Variants in PCLO observed in about 807,000 individuals in gnomAD.
PCLO encodes piccolo presynaptic cytomatrix protein.
PCLO carries 82 observed loss-of-function variants against 427.5 expected under a neutral mutation model. That is an observed-to-expected ratio of 0.19 (90% CI 0.16 to 0.23). The LOEUF is 0.23. Among genes scored for constraint, PCLO ranks in the 10% least tolerant of loss-of-function variants. The probability of loss-of-function intolerance (pLI) is 1.00; values close to 1 mark genes in which losing one functional copy is unlikely to be tolerated. For missense variants in PCLO, 6,239 were observed against 6,115.9 expected (o/e 1.02, Z -0.67); for synonymous variants, 2,357 against 2,155.4 (o/e 1.09, Z -2.59).
chr7:83,159,946 A>G (rs1354947764), intron 1 of PCLO, among the ~76,000 whole-genome samples: 4 of 152,136 alleles, frequency 2.6e-5, no homozygotes, highest in Non-Finnish European at 5.9e-5. Context: ...GTTTGTGGGC[A>G]GAGGAGGTGG....
chr7:83,036,149 C>T (rs1788788431), intron 3 of PCLO, among the ~76,000 whole-genome samples: 1 of 152,100 alleles, frequency 6.6e-6, no homozygotes, highest in Non-Finnish European at 1.5e-5. Context: ...GCCTAATGTC[C>T]AATCTGTGAG....
intron 3 of PCLO, among the ~76,000 whole-genome samples, chr7:83,106,842 T>C (rs961828091): frequency 1.3e-4 from 20 of 152,154 alleles, no homozygotes; most frequent in Admixed American, 1.1e-3. Flanking sequence ...ACACCCTTCA[T>C]TGAAGATTCC....
At chr7:83,103,424 G>GGAT (rs1285491672) in intron 3 of PCLO, among the ~76,000 whole-genome samples, 3 of 151,652 alleles carry the variant, frequency 2.0e-5, no homozygotes, top group Non-Finnish European at 4.4e-5. Context: ...AGACCTTCAG[G>GGAT]GATCATCTCC....
intron 19 of PCLO, among the ~76,000 whole-genome samples, chr7:82,823,019 C>G (rs1206707093): frequency 6.6e-6 from 1 of 152,094 alleles, no homozygotes; most frequent in Admixed American, 6.6e-5. Flanking sequence ...AGACAATACA[C>G]AGGAGGAGTT....
chr7:82,892,612 A>G (rs1364649222), intron 9 of PCLO, among the ~76,000 whole-genome samples: 1 of 152,040 alleles, frequency 6.6e-6, no homozygotes, highest in Non-Finnish European at 1.5e-5. Context: ...CTGCACAGCA[A>G]AAGAAACTAC....
Position 82,949,840 on chromosome 7 carries a change from G to C in PCLO, c.10748C>G (p.Ala3583Gly), listed in dbSNP as rs780798544. 8.1e-6 allele frequency: 13 copies of C among 1,613,584 alleles called. No homozygotes were observed. ...SDTQSPQYLS[A>G]TSPPKDKKRP... Reference sequence around the variant, plus strand: ...TTTCTTGTCTTTGGGTGGAGATGTGGCACTCAGATATTGAGGACTTTGTGT... The same window carrying C: ...TTTCTTGTCTTTGGGTGGAGATGTGCCACTCAGATATTGAGGACTTTGTGT... The change falls in exon 6 of 25, where the codon GCC becomes GGC. Residue 3583 changes from alanine to glycine, a missense_variant. By Grantham distance (60) the Ala-to-Gly change is moderately conservative. Coordinates refer to ENST00000333891, the MANE Select transcript of PCLO (RefSeq NM_033026.6).
At chr7:82,880,651 T>C (rs1353529730) in intron 9 of PCLO, among the ~76,000 whole-genome samples, 1 of 152,174 alleles carries the variant, frequency 6.6e-6, no homozygotes, top group African/African-American at 2.4e-5. Flanking sequence ...ATTTAGTGGA[T>C]AGAGGCCAGG....
At chr7:82,982,528 C>G (rs1314578364) in intron 3 of PCLO, among the ~76,000 whole-genome samples, 3 of 151,992 alleles carry the variant, frequency 2.0e-5, no homozygotes, top group African/African-American at 7.2e-5. Context: ...TCCCTCATCT[C>G]CTAGAATAGT....
chr7:83,002,269 T>A (rs1301651759), intron 3 of PCLO, among the ~76,000 whole-genome samples: 3 of 151,970 alleles, frequency 2.0e-5, no homozygotes, highest in Non-Finnish European at 4.4e-5. Flanking sequence ...CTGTTTATCA[T>A]ACGGCTTCCT....
intron 3 of PCLO, among the ~76,000 whole-genome samples, chr7:82,990,758 T>G (rs1796358512): frequency 6.6e-6 from 1 of 152,150 alleles, no homozygotes; most frequent in Non-Finnish European, 1.5e-5. Context: ...TAAATGTGAC[T>G]ATGCTCTCTG....
intron 3 of PCLO, among the ~76,000 whole-genome samples, chr7:83,112,102 G>A (rs1791019054): frequency 6.6e-6 from 1 of 152,094 alleles, no homozygotes; most frequent in South Asian, 2.1e-4. Flanking sequence ...TTATCACCCA[G>A]GCTAGAGTGC....
chr7:82,768,931 T>C (rs1349984059), intron 22 of PCLO, among the ~76,000 whole-genome samples: 1 of 152,208 alleles, frequency 6.6e-6, no homozygotes, highest in African/African-American at 2.4e-5. Flanking sequence ...AATCATCATT[T>C]CACCAAAAGA....
At chr7:82,866,661 C>T (rs1210132611) in intron 10 of PCLO, among the ~76,000 whole-genome samples, 1 of 111,412 alleles carries the variant, frequency 9.0e-6, no homozygotes, top group Non-Finnish European at 1.7e-5. Context: ...TTTATACACA[C>T]ACACACACAC....
chr7:82,933,789 C>T (rs1052331868), intron 6 of PCLO, among the ~76,000 whole-genome samples: 3 of 151,976 alleles, frequency 2.0e-5, no homozygotes, highest in African/African-American at 7.2e-5. Flanking sequence ...CTCCTTTGAT[C>T]TTTCTATGAT....
Position 83,134,466 on chromosome 7 carries a change from T to G in PCLO, c.3084A>C (p.Pro1028=). The G allele has an allele frequency of 6.2e-7, 1 of 1,613,282 alleles. No individual in the cohort carries two copies. The change falls in exon 3 of 25, where the codon CCA becomes CCC. Residue 1028 remains proline (P), a synonymous_variant. Coordinates refer to ENST00000333891, the MANE Select transcript of PCLO (RefSeq NM_033026.6). ...TTAAAGATTTGCTATCCTTAATAGG[T>G]GGTGGCTTTTTTTCTGTTTCTGTTC... ...VKRTETEKKP[P]PIKDSKSLTA...
At chr7:82,885,908 A>G (rs750768033) in intron 9 of PCLO, among the ~76,000 whole-genome samples, 19 of 152,112 alleles carry the variant, frequency 1.2e-4, no homozygotes, top group Non-Finnish European at 2.5e-4. Context: ...TTCTTTCTCC[A>G]AAGAAGTGAC....
At chr7:83,158,764 C>T (rs1792362414) in intron 1 of PCLO, among the ~76,000 whole-genome samples, 1 of 151,860 alleles carries the variant, frequency 6.6e-6, no homozygotes, top group African/African-American at 2.4e-5. Context: ...CTATAGAATC[C>T]CCATCAGAAA....
At chr7:82,866,307 TTTA>T (rs1371733616) in intron 10 of PCLO, among the ~76,000 whole-genome samples, 3 of 152,048 alleles carry the variant, frequency 2.0e-5, no homozygotes, top group Non-Finnish European at 4.4e-5. Flanking sequence ...CTCCTTAGCG[TTTA>T]TTATCGTCTA....
At chr7:82,909,320 A>G (rs13239217) in intron 7 of PCLO, among the ~76,000 whole-genome samples, 18,225 of 152,056 alleles carry the variant, frequency 0.12, 1,517 homozygotes, top group Non-Finnish European at 0.17. Flanking sequence ...TAAAATAAAT[A>G]AATGATCAAG....
Sources: gnomAD v4.1 joint callset for allele counts (sites outside exome capture counted in the v4.1 genomes callset) on GRCh38, gnomAD v4.1.1 for gene constraint, MANE v1.5 for transcripts, NCBI Gene and HGNC (gene_info 2026-07-23, HGNC 2026-07-21) for gene names.